The following TFAP2C variants were observed in gnomAD, a reference collection of about 807,000 sequenced individuals.
The protein encoded by TFAP2C is activating enhancer-binding protein 2 gamma.
TFAP2C carries 9 observed loss-of-function variants against 42.9 expected under a neutral mutation model. That is an observed-to-expected ratio of 0.21 (90% CI 0.13 to 0.37). The LOEUF (loss-of-function observed/expected upper bound fraction) is 0.37. TFAP2C is among the 10% of genes least tolerant of loss of function. TFAP2C has a pLI of 1.00. For synonymous variants in TFAP2C, 264 were observed against 256.0 expected (o/e 1.03, Z -0.30); for missense variants, 462 against 591.7 (o/e 0.78, Z 2.27).
rs1320514523 is a variant in TFAP2C at position 56,631,438 on chromosome 20, G to C, written c.282G>C (p.Ala94=). The part of the protein sequence containing the change: ...AAAINPLHQP[A]PTGSQQQAWP... Reference sequence around the variant, plus strand: ...CCATCAACCCCCTGCACCAGCCGGCGCCCACAGGCAGCCAGCAGCAGGCCT... The same window carrying C: ...CCATCAACCCCCTGCACCAGCCGGCCCCCACAGGCAGCCAGCAGCAGGCCT... The change falls in exon 2 of 7, where the codon GCG becomes GCC. Residue 94 remains alanine, a synonymous_variant. Transcript: ENST00000201031. The surrounding 1 kb of genome is among the most constrained non-coding windows in gnomAD (Gnocchi z 6.1). 6.3e-7 allele frequency: 1 copy of C among 1,584,334 alleles called. No homozygotes were observed. Among genetic ancestry groups the C allele is most frequent in the South Asian group, 1.1e-5 (1 of 87,198 alleles).
Position 56,630,300 on chromosome 20 carries a change from G to T in TFAP2C, c.48+708G>T, listed in dbSNP as rs2146445467. ...CTCGCGGGAGTTCACTGCGCCTCCGGGCCCTGGAGGGCTGCCCCTGCCCGC... is the reference window on the plus strand; with the variant it reads ...CTCGCGGGAGTTCACTGCGCCTCCGTGCCCTGGAGGGCTGCCCCTGCCCGC... On this transcript the variant is annotated intron_variant, in intron 1 of 6. Coordinates refer to ENST00000201031, the MANE Select transcript of TFAP2C (RefSeq NM_003222.4). The surrounding 1 kb of genome is among the most constrained non-coding windows in gnomAD (Gnocchi z 5.1). 1 of 377,180 alleles carries T rather than the reference G, an allele frequency of 2.7e-6. No homozygotes were observed. The allele number at this position is 377,180 out of a possible 1,614,324, so 23.4% of individuals were successfully genotyped here.
intron 5 of TFAP2C, among the ~76,000 whole-genome samples, chr20:56,636,232 A>G (rs575618287): frequency 5.9e-5 from 9 of 152,306 alleles, no homozygotes; most frequent in African/African-American, 2.2e-4. Context: ...CTGGTAGACA[A>G]TGAATACTAC....
rs1210524642 is a variant in TFAP2C at position 56,631,791 on chromosome 20, CCT to C, written c.535-8_535-7del. The C allele has an allele frequency of 1.2e-6, 2 of 1,614,034 alleles. No individual in the cohort carries two copies. The highest frequency in any genetic ancestry group is 8.5e-7 in the Non-Finnish European group (1 of 1,180,034). On this transcript the variant is annotated splice_polypyrimidine_tract_variant and intron_variant, in intron 2 of 6. Coordinates refer to ENST00000201031, the MANE Select transcript of TFAP2C (RefSeq NM_003222.4). The surrounding 1 kb of genome is among the most constrained non-coding windows in gnomAD (Gnocchi z 6.1). The stretch of plus-strand genomic sequence containing the variant: ...TCCCCCGAACTTAAGGGAATTTTGT[CCT>C]CTCTCCCCCAGAATGTCGACGACCA...
Position 56,637,989 on chromosome 20 carries a change from G to A in TFAP2C, c.1329G>A (p.Glu443=). The A allele has an allele frequency of 6.2e-7, 1 of 1,613,322 alleles. No homozygotes were observed. Among genetic ancestry groups the A allele is most frequent in the Non-Finnish European group, 8.5e-7 (1 of 1,179,434 alleles). Residue 443 remains glutamate, a synonymous_variant, in exon 7 of 7, where the codon GAG becomes GAA. Coordinates refer to ENST00000201031, the MANE Select transcript of TFAP2C (RefSeq NM_003222.4). The part of the protein sequence containing the change: ...QSPADSNKTL[E]KMEKHRK ...CAGCTGATTCTAACAAAACCCTGGA[G>A]AAAATGGAGAAACACAGGAAATAAA...
In TFAP2C at chr20:56,637,758, C is replaced by T. The variant is rs1987613071; in HGVS notation, c.1098C>T (p.Leu366=). Residue 366 remains leucine, a synonymous_variant, in exon 7 of 7, where the codon CTC becomes CTT. Coordinates refer to ENST00000201031, the MANE Select transcript of TFAP2C (RefSeq NM_003222.4). Reference sequence around the variant, plus strand: ...TGTGTAAAGAATTCACAGAACTTCTCAGCCAAGACCGGACACCCCATGGGA... The same window carrying T: ...TGTGTAAAGAATTCACAGAACTTCTTAGCCAAGACCGGACACCCCATGGGA... ...QQLCKEFTEL[L]SQDRTPHGTS... 6.2e-7 allele frequency: 1 copy of T among 1,614,088 alleles called. No homozygotes were observed. The highest frequency in any genetic ancestry group is 1.3e-5 in the African/African-American group (1 of 74,948).
In TFAP2C at chr20:56,638,165, C is replaced by A; in HGVS notation, c.*152C>A. On this transcript the variant is annotated 3_prime_UTR_variant, in exon 7 of 7. Transcript: ENST00000201031. ...GAGCCTTCACTGGTTCTGCATCACC[C>A]GCCCCTGGACTTCTTAGTTGTTTCT... 1 of 669,102 alleles carries A rather than the reference C, an allele frequency of 1.5e-6. No homozygotes were observed. Among genetic ancestry groups the A allele is most frequent in the Non-Finnish European group, 2.5e-6 (1 of 401,566 alleles). 41.4% of individuals were successfully genotyped at this position (669,102 alleles called of 1,614,324 possible). A position where few individuals can be genotyped will look rare whatever the true frequency, so the allele number is the denominator to read the frequency against.
chr20:56,631,764 G>T lies in TFAP2C; in HGVS notation c.535-41G>T, dbSNP rs41307195. On this transcript the variant is annotated intron_variant, in intron 2 of 6. Transcript: ENST00000201031. This position sits in a 1 kb window ranked among gnomAD's most constrained non-coding sequence, Gnocchi z 6.1. ...CTGCCCCCACCCCGCACTCCTCTAG[G>T]CTCCCCCGAACTTAAGGGAATTTTG... 11,194 of 1,613,904 alleles carry T rather than the reference G, an allele frequency of 6.9e-3. 51 individuals are homozygous for T. Among genetic ancestry groups the T allele is most frequent in the Non-Finnish European group, 8.8e-3 (10,395 of 1,179,976 alleles).
In TFAP2C at chr20:56,638,624, TGTA is replaced by T. The variant is rs1192274657; in HGVS notation, c.*613_*615del. ...GGGGGCCTTCTGGTTTTAGGAAACTTGTAGAAACGAAGCCTGCTGATTGATTTT... is the reference window on the plus strand; with the variant it reads ...GGGGGCCTTCTGGTTTTAGGAAACTTGAAACGAAGCCTGCTGATTGATTTT... On this transcript the variant is annotated 3_prime_UTR_variant, in exon 7 of 7. Transcript: ENST00000201031. 1 of 152,284 alleles carries T rather than the reference TGTA, an allele frequency of 6.6e-6. No individual in the cohort carries two copies. The highest frequency in any genetic ancestry group is 1.5e-5 in the Non-Finnish European group (1 of 67,986). The allele number at this position is 152,284 out of a possible 1,614,324, so 9.4% of individuals were successfully genotyped here.
rs774936657 is a variant in TFAP2C at position 56,631,432 on chromosome 20, G to A, written c.276G>A (p.Gln92=). 1.9e-6 allele frequency: 3 copies of A among 1,589,016 alleles called. No homozygotes were observed. In the East Asian group the frequency reaches 7.0e-5, roughly 37 times the overall value. Reference sequence around the variant, plus strand: ...CCGCCGCCATCAACCCCCTGCACCAGCCGGCGCCCACAGGCAGCCAGCAGC... The same window carrying A: ...CCGCCGCCATCAACCCCCTGCACCAACCGGCGCCCACAGGCAGCCAGCAGC... ...AYAAAINPLH[Q]PAPTGSQQQA... Residue 92 remains glutamine (Q), a synonymous_variant, in exon 2 of 7, where the codon CAG becomes CAA. Transcript: ENST00000201031. The surrounding 1 kb of genome is among the most constrained non-coding windows in gnomAD (Gnocchi z 6.1).
In TFAP2C at chr20:56,638,455, C is replaced by G. The variant is rs138048707; in HGVS notation, c.*442C>G. On this transcript the variant is annotated 3_prime_UTR_variant, in exon 7 of 7. Transcript: ENST00000201031. ...TAAGGTAATGGTTGGTTTTTGTGTC[C>G]GCTAAATATTTACCTTGAAAAAAAG... 1 of 158,632 alleles carries G rather than the reference C, an allele frequency of 6.3e-6. No homozygotes were observed. Among genetic ancestry groups the G allele is most frequent in the Admixed American group, 6.0e-5 (1 of 16,746 alleles). 9.8% of individuals were successfully genotyped at this position (158,632 alleles called of 1,614,324 possible).
Position 56,630,818 on chromosome 20 carries a change from C to T in TFAP2C, c.49-387C>T, listed in dbSNP as rs1331351464. 1 of 985,216 alleles carries T rather than the reference C, an allele frequency of 1.0e-6. No homozygotes were observed. The highest frequency in any genetic ancestry group is 1.1e-4 in the East Asian group (1 of 8,796). 61.0% of individuals were successfully genotyped at this position (985,216 alleles called of 1,614,324 possible). The stretch of plus-strand genomic sequence containing the variant: ...GGGCGGGCTCCACGAGATAGCTCTG[C>T]ACCGGGCGTCCGGCTCCTTCGCCCC... On this transcript the variant is annotated intron_variant, in intron 1 of 6. Transcript: ENST00000201031. The surrounding 1 kb of genome is among the most constrained non-coding windows in gnomAD (Gnocchi z 5.1).
rs941315248 is a variant in TFAP2C at position 56,630,920 on chromosome 20, C to T, written c.49-285C>T. On this transcript the variant is annotated intron_variant, in intron 1 of 6. Coordinates refer to ENST00000201031, the MANE Select transcript of TFAP2C (RefSeq NM_003222.4). This position sits in a 1 kb window ranked among gnomAD's most constrained non-coding sequence, Gnocchi z 5.1. ...GACCCAGGGTTCGGACTTGGCGCCT[C>T]CAAGCGCCTCGGGCTTGGGAGCAGC... The T allele has an allele frequency of 1.1e-5, 11 of 985,312 alleles. No individual in the cohort carries two copies. The highest frequency in any genetic ancestry group is 6.1e-5 in the Admixed American group (1 of 16,278). 61.0% of individuals were successfully genotyped at this position (985,312 alleles called of 1,614,324 possible).
chr20:56,633,069 CA>C (rs1159825800), intron 3 of TFAP2C, among the ~76,000 whole-genome samples: 37 of 152,190 alleles, frequency 2.4e-4, no homozygotes, highest in Admixed American at 2.2e-3. Flanking sequence ...ACTAAAAATA[CA>C]AAAAATTAGC....
At position 56,631,565 on chromosome 20, in the gene TFAP2C, A is replaced by G. The variant is rs1406945211; in HGVS notation, c.409A>G (p.Ser137Gly). ...HLSGLEAGAVSARRDAYRRSD... is the reference protein window; with the variant it reads ...HLSGLEAGAVGARRDAYRRSD... ...CTCCGGGCTGGAGGCGGGCGCGGTG[A>G]GCGCCCGCAGGGATGCCTACCGCCG... Residue 137 changes from serine to glycine, a missense_variant, in exon 2 of 7, where the codon AGC (serine) becomes GGC (glycine). Ser to Gly is a moderately conservative substitution (Grantham distance 56). Transcript: ENST00000201031. The surrounding 1 kb of genome is among the most constrained non-coding windows in gnomAD (Gnocchi z 6.1). The G allele has an allele frequency of 5.2e-6, 8 of 1,530,432 alleles. No homozygotes were observed. The highest frequency in any genetic ancestry group is 7.0e-6 in the Non-Finnish European group (8 of 1,145,628). The allele number at this position is 1,530,432 out of a possible 1,614,324, so 94.8% of individuals were successfully genotyped here. A position where few individuals can be genotyped will look rare whatever the true frequency, so the allele number is the denominator to read the frequency against.
chr20:56,630,583 A>T lies in TFAP2C; in HGVS notation c.49-622A>T. ...CTCCCCTCGGCTGGGCCCGGCCAGC[A>T]GGGAGGGCCGCCCTGTGCGCGCGCT... On this transcript the variant is annotated intron_variant, in intron 1 of 6. Transcript: ENST00000201031. This position sits in a 1 kb window ranked among gnomAD's most constrained non-coding sequence, Gnocchi z 5.1. 1 of 613,302 alleles carries T rather than the reference A, an allele frequency of 1.6e-6. No homozygotes were observed. Among genetic ancestry groups the T allele is most frequent in the Non-Finnish European group, 2.0e-6 (1 of 489,614 alleles). The allele number at this position is 613,302 out of a possible 1,614,324, so 38.0% of individuals were successfully genotyped here.
chr20:56,635,479 G>GT (rs1383633652), intron 5 of TFAP2C, among the ~76,000 whole-genome samples: 3 of 151,962 alleles, frequency 2.0e-5, no homozygotes, highest in Non-Finnish European at 4.4e-5. Flanking sequence ...CTCCAAGTTG[G>GT]TTTTTAGGAG....
Position 56,638,809 on chromosome 20 carries a change from A to T in TFAP2C, c.*796A>T, listed in dbSNP as rs527573283. On this transcript the variant is annotated 3_prime_UTR_variant, in exon 7 of 7. Transcript: ENST00000201031. Reference sequence around the variant, plus strand: ...ACTTGAAAAGGGTAGGCACGAAGCAATTTGTTGCTGCTTGTCACCCCCAAG... The same window carrying T: ...ACTTGAAAAGGGTAGGCACGAAGCATTTTGTTGCTGCTTGTCACCCCCAAG... 1 of 152,444 alleles carries T rather than the reference A, an allele frequency of 6.6e-6. No homozygotes were observed. The highest frequency in any genetic ancestry group is 1.5e-5 in the Non-Finnish European group (1 of 68,008). The allele number at this position is 152,444 out of a possible 1,614,324, so 9.4% of individuals were successfully genotyped here. A position where few individuals can be genotyped will look rare whatever the true frequency, so the allele number is the denominator to read the frequency against.
chr20:56,637,487 T>C (rs937008102), intron 6 of TFAP2C, among the ~76,000 whole-genome samples: 4 of 152,272 alleles, frequency 2.6e-5, no homozygotes, highest in African/African-American at 9.6e-5. Context: ...AAGTTAATCC[T>C]GTTGTCTTTT....
In TFAP2C at chr20:56,630,601, C is replaced by A. The variant is rs113628742; in HGVS notation, c.49-604C>A. On this transcript the variant is annotated intron_variant, in intron 1 of 6. Transcript: ENST00000201031. The surrounding 1 kb of genome is among the most constrained non-coding windows in gnomAD (Gnocchi z 5.1). ...GGCCAGCAGGGAGGGCCGCCCTGTG[C>A]GCGCGCTCCCTCTTCACTTCCCAGG... 4 of 807,570 alleles carry A rather than the reference C, an allele frequency of 5.0e-6. No individual in the cohort carries two copies. Among genetic ancestry groups the A allele is most frequent in the Non-Finnish European group, 6.0e-6 (4 of 667,310 alleles). The allele number at this position is 807,570 out of a possible 1,614,324, so 50.0% of individuals were successfully genotyped here. A position where few individuals can be genotyped will look rare whatever the true frequency, so the allele number is the denominator to read the frequency against.
Sources: allele counts gnomAD v4.1 joint callset (sites outside exome capture counted in the v4.1 genomes callset), GRCh38; gene constraint gnomAD v4.1.1; non-coding constraint Gnocchi (gnomAD v3.1); transcripts MANE v1.5; gene names NCBI Gene and HGNC (gene_info 2026-07-23, HGNC 2026-07-21).